KSR2: variants seen among roughly 807,000 people sequenced by gnomAD.
KSR2 encodes the protein kinase suppressor of ras 2.
KSR2 carries 25 observed loss-of-function variants against 107.8 expected under a neutral mutation model. The observed-to-expected ratio is 0.23, with a 90% CI of 0.17 to 0.32. The LOEUF is 0.32. Ranked by LOEUF, KSR2 falls within the 10% of genes least tolerant of loss-of-function variation. The pLI is 1.00. For missense variants in KSR2, 887 were observed against 1,268.9 expected (o/e 0.70, Z 4.57); for synonymous variants, 480 against 507.0 (o/e 0.95, Z 0.71).
chr12:117,843,621 G>A (rs1384123835), intron 3 of KSR2, among the ~76,000 whole-genome samples: 2 of 152,228 alleles, frequency 1.3e-5, no homozygotes, highest in African/African-American at 2.4e-5. Context: ...AGGCAATGGG[G>A]AACAGAGGCT....
At chr12:117,908,392 C>A (rs565500937) in intron 1 of KSR2, among the ~76,000 whole-genome samples, 1 of 152,230 alleles carries the variant, frequency 6.6e-6, no homozygotes, top group South Asian at 2.1e-4. Context: ...AACGCACCCC[C>A]ACCTTCACCT....
intron 6 of KSR2, 141 bp downstream of exon 6, chr12:117,582,149 G>A (rs73211914): frequency 0.032 from 21,014 of 648,600 alleles, 968 homozygotes; most frequent in East Asian, 0.14. Flanking sequence ...AAGTTTAGCC[G>A]AGCAGAGGAG....
chr12:117,751,223 G>T (rs766386163), intron 4 of KSR2, among the ~76,000 whole-genome samples: 19 of 152,234 alleles, frequency 1.2e-4, no homozygotes, highest in Middle Eastern at 3.4e-3. Flanking sequence ...AAGGATGTTT[G>T]CTTCCCCCTC....
At chr12:117,635,845 G>A (rs990100060) in intron 5 of KSR2, among the ~76,000 whole-genome samples, 17 of 150,130 alleles carry the variant, frequency 1.1e-4, no homozygotes, top group African/African-American at 3.9e-4. Flanking sequence ...AGCCTAGAGT[G>A]CAGTGGCGCG....
intron 14 of KSR2, among the ~76,000 whole-genome samples, chr12:117,512,098 C>T (rs993639337): frequency 6.6e-6 from 1 of 152,190 alleles, no homozygotes; most frequent in Non-Finnish European, 1.5e-5. Context: ...TATCAAATTA[C>T]AGGTTGAGAT....
At chr12:117,778,583 AG>A (rs1889774410) in intron 3 of KSR2, among the ~76,000 whole-genome samples, 1 of 152,210 alleles carries the variant, frequency 6.6e-6, no homozygotes, top group African/African-American at 2.4e-5. Flanking sequence ...AAAGGGTGGA[AG>A]GTCGTCCTTA....
At chr12:117,874,838 G>T (rs1387886555) in intron 1 of KSR2, among the ~76,000 whole-genome samples, 1 of 152,044 alleles carries the variant, frequency 6.6e-6, no homozygotes, top group Non-Finnish European at 1.5e-5. Context: ...AAACCCAAAG[G>T]TTCCATCTTC....
chr12:117,763,971 GA>G (rs1167860441), intron 3 of KSR2, among the ~76,000 whole-genome samples: 2 of 151,958 alleles, frequency 1.3e-5, no homozygotes, highest in Non-Finnish European at 2.9e-5. Flanking sequence ...GGGGCGCAAA[GA>G]AATTCCTAGC....
intron 10 of KSR2, chr12:117,539,390 C>T (rs1439762991): frequency 3.5e-6 from 1 of 287,030 alleles, no homozygotes; most frequent in Non-Finnish European, 6.4e-6. Context: ...GTGACTTAGA[C>T]TTAGGCGAAG....
At chr12:117,481,633 C>T (rs1872183085) in intron 16 of KSR2, among the ~76,000 whole-genome samples, 1 of 152,180 alleles carries the variant, frequency 6.6e-6, no homozygotes, top group Non-Finnish European at 1.5e-5. Flanking sequence ...GTTATAGCAG[C>T]CCAAGCTGAC....
chr12:117,787,490 G>C (rs117218598), intron 3 of KSR2, among the ~76,000 whole-genome samples: 5 of 151,648 alleles, frequency 3.3e-5, no homozygotes, highest in African/African-American at 1.2e-4. Flanking sequence ...AAAATTAGCC[G>C]AGCACAGCGG....
chr12:117,848,237 C>T (rs1297879779), intron 3 of KSR2, among the ~76,000 whole-genome samples: 1 of 152,244 alleles, frequency 6.6e-6, no homozygotes, highest in Non-Finnish European at 1.5e-5. Flanking sequence ...CAACAGCACT[C>T]TGATAGCTGG....
intron 3 of KSR2, among the ~76,000 whole-genome samples, chr12:117,850,671 A>G (rs754347884): frequency 1.3e-5 from 2 of 152,084 alleles, no homozygotes; most frequent in African/African-American, 2.4e-5. Flanking sequence ...TTTGCCAGGC[A>G]TGGTGGCACA....
chr12:117,601,633 A>AC (rs955716403), intron 5 of KSR2, among the ~76,000 whole-genome samples: 8 of 151,702 alleles, frequency 5.3e-5, no homozygotes, highest in Middle Eastern at 3.2e-3. Context: ...GCAAGGAAGG[A>AC]CCCCCCCCTA....
At chr12:117,603,996 C>T (rs1440480632) in intron 5 of KSR2, among the ~76,000 whole-genome samples, 2 of 152,242 alleles carry the variant, frequency 1.3e-5, no homozygotes, top group Non-Finnish European at 2.9e-5. Flanking sequence ...TGGAGTGGTT[C>T]TGCCTGGTCT....
chr12:117,546,092 G>T (rs558837028), intron 9 of KSR2, among the ~76,000 whole-genome samples: 1 of 152,232 alleles, frequency 6.6e-6, no homozygotes, highest in African/African-American at 2.4e-5. Flanking sequence ...GATTTTCCAA[G>T]ATTCTTTATT....
rs963957904 is a variant in KSR2, at chr12:117,453,895, T to G, written c.*13304A>C. The G allele has an allele frequency of 6.6e-6, 1 of 150,714 alleles. No homozygotes were observed. Among genetic ancestry groups the G allele is most frequent in the Non-Finnish European group, 1.5e-5 (1 of 67,774 alleles). The allele number at this position is 150,714 out of a possible 1,614,324, so 9.3% of individuals were successfully genotyped here. A position where few individuals can be genotyped will look rare whatever the true frequency, so the allele number is the denominator to read the frequency against. Reference sequence around the variant, plus strand: ...TGTTCTGTTTCTATGAGGGCCTTGGTGGGGTGGGGGCTGGTCTTGCCAGAG... The same window carrying G: ...TGTTCTGTTTCTATGAGGGCCTTGGGGGGGTGGGGGCTGGTCTTGCCAGAG... On this transcript the variant is annotated 3_prime_UTR_variant, in exon 20 of 20. Transcript: ENST00000339824.
chr12:117,955,000 G>C (rs1593401879), intron 1 of KSR2, among the ~76,000 whole-genome samples: 1 of 146,800 alleles, frequency 6.8e-6, no homozygotes. Flanking sequence ...CTGGGCAAGA[G>C]AGCGAGACCC....
chr12:117,785,570 AT>A (rs1209091781), intron 3 of KSR2, among the ~76,000 whole-genome samples: 2 of 152,138 alleles, frequency 1.3e-5, no homozygotes, highest in Non-Finnish European at 2.9e-5. Context: ...AAAGATAGCA[AT>A]TTTCATAGAG....
Sources: gnomAD v4.1 joint callset for allele counts (sites outside exome capture counted in the v4.1 genomes callset) on GRCh38, gnomAD v4.1.1 for gene constraint, MANE v1.5 for transcripts, NCBI Gene and HGNC (gene_info 2026-07-23, HGNC 2026-07-21) for gene names.